The following CACNG5 variants were observed in gnomAD, a reference collection of about 807,000 sequenced individuals.
CACNG5 encodes the protein calcium voltage-gated channel auxiliary subunit gamma 5.
In CACNG5, 18 loss-of-function variants were observed where a neutral mutation model predicts 24.8. The observed-to-expected ratio is 0.73, with a 90% CI of 0.50 to 1.08. CACNG5 has a LOEUF of 1.08. CACNG5 is among the 50% of genes least tolerant of loss of function. The pLI is 0.00. For synonymous variants in CACNG5, 157 were observed against 149.1 expected (o/e 1.05, Z -0.39); for missense variants, 349 against 367.9 (o/e 0.95, Z 0.42).
intron 4 of CACNG5, 125 bp downstream of exon 4, chr17:66,880,822 A>C: frequency 6.3e-6 from 6 of 953,812 alleles, no homozygotes; most frequent in South Asian, 3.5e-5. Context: ...GCTCACTGCA[A>C]CCTCCACCTC....
At chr17:66,849,643 C>T (rs897225525) in intron 1 of CACNG5, among the ~76,000 whole-genome samples, 2 of 152,170 alleles carry the variant, frequency 1.3e-5, no homozygotes, top group African/African-American at 4.8e-5. Context: ...GCCCTAGCCT[C>T]CCTGGGCAGG....
Position 66,885,338 on chromosome 17 carries a change from C to T in CACNG5, c.*98C>T. ...GCCCCAGGCCTGTGGTTGACAGGCC[C>T]AGGCCACCCATGCTTAGCTGTTGTC... On this transcript the variant is annotated 3_prime_UTR_variant, in exon 6 of 6. Coordinates refer to ENST00000533854, the MANE Select transcript of CACNG5 (RefSeq NM_145811.3). 2.1e-6 allele frequency: 3 copies of T among 1,400,544 alleles called. No individual in the cohort carries two copies. Among genetic ancestry groups the T allele is most frequent in the East Asian group, 2.3e-5 (1 of 43,438 alleles). The allele number at this position is 1,400,544 out of a possible 1,614,324, so 86.8% of individuals were successfully genotyped here. A position where few individuals can be genotyped will look rare whatever the true frequency, so the allele number is the denominator to read the frequency against.
intron 1 of CACNG5, among the ~76,000 whole-genome samples, chr17:66,843,477 C>T (rs143813759): frequency 1.5e-3 from 229 of 152,268 alleles, no homozygotes; most frequent in Non-Finnish European, 2.3e-3. Flanking sequence ...GACCTATCTC[C>T]GTAATCCCAG....
intron 1 of CACNG5, among the ~76,000 whole-genome samples, chr17:66,871,865 GAAAC>G (rs372579078): frequency 9.2e-5 from 14 of 151,936 alleles, no homozygotes; most frequent in African/African-American, 2.4e-4. Flanking sequence ...ATCTCAAAAA[GAAAC>G]AAACAAACAA....
intron 5 of CACNG5, 54 bp from the exon 6 acceptor site, chr17:66,884,929 G>A: frequency 1.2e-6 from 2 of 1,614,064 alleles, no homozygotes; most frequent in Non-Finnish European, 1.7e-6. Context: ...CCAGCCAAGG[G>A]AGATGAGGCA....
intron 4 of CACNG5, among the ~76,000 whole-genome samples, chr17:66,883,452 C>T (rs1977193937): frequency 6.6e-6 from 1 of 152,196 alleles, no homozygotes; most frequent in South Asian, 2.1e-4. Context: ...TCCAGATGCC[C>T]TACTTTCATA....
intron 1 of CACNG5, among the ~76,000 whole-genome samples, chr17:66,876,001 C>G (rs1404278574): frequency 6.6e-6 from 1 of 152,214 alleles, no homozygotes; most frequent in Non-Finnish European, 1.5e-5. Flanking sequence ...ATGCCATCAA[C>G]TGTTTGCTTG....
At chr17:66,863,651 G>C (rs1433732366) in intron 1 of CACNG5, among the ~76,000 whole-genome samples, 1 of 152,174 alleles carries the variant, frequency 6.6e-6, no homozygotes, top group Non-Finnish European at 1.5e-5. Context: ...ACAGGCATGA[G>C]CCACCATCTC....
intron 1 of CACNG5, among the ~76,000 whole-genome samples, chr17:66,869,170 G>A (rs772623276): frequency 1.3e-5 from 2 of 151,932 alleles, no homozygotes; most frequent in East Asian, 3.9e-4. Context: ...TGCAACCTCC[G>A]CCTCCCAGGT....
rs1387388662 is a variant in CACNG5 at position 66,887,777 on chromosome 17, A to C, written c.*2537A>C. Among the ~76,000 whole-genome samples, 2 of 152,106 alleles carry C rather than the reference A, an allele frequency of 1.3e-5. No homozygotes were observed. The highest frequency in any genetic ancestry group is 6.5e-5 in the Admixed American group (1 of 15,276). The stretch of plus-strand genomic sequence containing the variant: ...CTGATGCTGAGCTGCTAAATGAAGG[A>C]GCCCTTAGCCTGGGAAGATGTGGTT... On this transcript the variant is annotated 3_prime_UTR_variant, in exon 6 of 6. Coordinates refer to ENST00000533854, the MANE Select transcript of CACNG5 (RefSeq NM_145811.3).
chr17:66,861,780 C>T (rs1314149115), intron 1 of CACNG5, among the ~76,000 whole-genome samples: 2 of 152,242 alleles, frequency 1.3e-5, no homozygotes, highest in East Asian at 3.8e-4. Context: ...TCAGCTGGAG[C>T]TGCCAGAGGT....
At chr17:66,876,394 T>A (rs1261753700) in intron 1 of CACNG5, among the ~76,000 whole-genome samples, 6 of 152,342 alleles carry the variant, frequency 3.9e-5, no homozygotes, top group African/African-American at 1.4e-4. Context: ...GGCATCCATC[T>A]GCCTTGCTCT....
Position 66,862,388 on chromosome 17 carries a change from CAGCTTGTGTCACTTACAAGCT to C in CACNG5, c.-103-14841_-103-14821del, listed in dbSNP as rs1480087014. Among the ~76,000 whole-genome samples the C allele has an allele frequency of 9.3e-4, 104 of 112,224 alleles. No individual in the cohort carries two copies. The East Asian group carries it at 0.052, about 56-fold the overall frequency. 73.6% of individuals were successfully genotyped at this position (112,224 alleles called of 152,430 possible). A position where few individuals can be genotyped will look rare whatever the true frequency, so the allele number is the denominator to read the frequency against. On this transcript the variant is annotated intron_variant, in intron 1 of 5. Coordinates refer to ENST00000533854, the MANE Select transcript of CACNG5 (RefSeq NM_145811.3). The stretch of plus-strand genomic sequence containing the variant: ...TGTGTCACTTACAAGTGTCACAATC[CAGCTTGTGTCACTTACAAGCT>C]GCCTTAGAGAGCTCTCTGTCTCTCT...
chr17:66,884,038 A>G (rs1977206123), intron 4 of CACNG5, among the ~76,000 whole-genome samples: 1 of 151,966 alleles, frequency 6.6e-6, no homozygotes, highest in South Asian at 2.1e-4. Flanking sequence ...AGGCTGAGGC[A>G]GGAGAATCAC....
In CACNG5 at chr17:66,889,412, T is replaced by C. The variant is rs955054260; in HGVS notation, c.*4172T>C. On this transcript the variant is annotated 3_prime_UTR_variant, in exon 6 of 6. Coordinates refer to ENST00000533854, the MANE Select transcript of CACNG5 (RefSeq NM_145811.3). ...TAGGTTGCCACAGGCTTATCAGTGA[T>C]GTCCCTAGAGAATCACATGTAGGGG... is the stretch of plus-strand genomic sequence containing the variant. 6.6e-6 allele frequency among the ~76,000 whole-genome samples: 1 copy of C among 152,216 alleles called. No individual in the cohort carries two copies. The highest frequency in any genetic ancestry group is 1.5e-5 in the Non-Finnish European group (1 of 68,038).
At chr17:66,884,408 C>T (rs1977215214) in intron 4 of CACNG5, 108 bp from the exon 5 acceptor site, 1 of 1,189,464 alleles carries the variant, frequency 8.4e-7, no homozygotes, top group Non-Finnish European at 1.2e-6. Flanking sequence ...CATTGTTACC[C>T]CAAGGCTGGT....
chr17:66,860,183 T>C (rs576536323), intron 1 of CACNG5, among the ~76,000 whole-genome samples: 3 of 152,252 alleles, frequency 2.0e-5, no homozygotes, highest in African/African-American at 2.4e-5. Context: ...CAGTTTAGTA[T>C]AGCAGATAAC....
In CACNG5 at chr17:66,887,592, CA is replaced by C. The variant is rs1367546843; in HGVS notation, c.*2354del. ...AGGTAAGCGCTATTCCAATTTTTAT[CA>C]ATGTAATTAGCTCCTAATTGCACTT... On this transcript the variant is annotated 3_prime_UTR_variant, in exon 6 of 6. Coordinates refer to ENST00000533854, the MANE Select transcript of CACNG5 (RefSeq NM_145811.3). Among the ~76,000 whole-genome samples, 7 of 152,174 alleles carry C rather than the reference CA, an allele frequency of 4.6e-5. No homozygotes were observed. Among genetic ancestry groups the C allele is most frequent in the African/African-American group, 1.7e-4 (7 of 41,428 alleles).
chr17:66,885,212 A>G lies in CACNG5; in HGVS notation c.800A>G (p.Tyr267Cys). The change falls in exon 6 of 6, where the codon TAT becomes TGT. Residue 267 changes from tyrosine (Y) to cysteine (C), a missense_variant. Tyr to Cys is a radical substitution (Grantham distance 194). Coordinates refer to ENST00000533854, the MANE Select transcript of CACNG5 (RefSeq NM_145811.3). ...NYPALLKCPD[Y>C]DQMSSSPC ...CCCGCCTTGCTCAAGTGCCCCGACT[A>G]TGATCAGATGTCCTCTTCACCCTGC... 1 of 1,599,342 alleles carries G rather than the reference A, an allele frequency of 6.3e-7. No individual in the cohort carries two copies. The highest frequency in any genetic ancestry group is 8.5e-7 in the Non-Finnish European group (1 of 1,177,100).
Sources: allele counts gnomAD v4.1 joint callset (sites outside exome capture counted in the v4.1 genomes callset), GRCh38; gene constraint gnomAD v4.1.1; transcripts MANE v1.5; gene names NCBI Gene and HGNC (gene_info 2026-07-23, HGNC 2026-07-21).